The following SSH1 variants were observed in gnomAD, a reference collection of about 807,000 sequenced individuals.
The protein encoded by SSH1 is slingshot protein phosphatase 1, also known as protein phosphatase Slingshot homolog 1.
Under a neutral mutation model 79.7 loss-of-function variants are expected in SSH1, and 43 were observed. That is an observed-to-expected ratio of 0.54 (90% CI 0.42 to 0.70). The LOEUF (loss-of-function observed/expected upper bound fraction) is 0.70. Among genes scored for constraint, SSH1 ranks in the 30% least tolerant of loss-of-function variants. The probability of loss-of-function intolerance (pLI) is 0.00; values close to 1 mark genes in which losing one functional copy is unlikely to be tolerated. For missense variants in SSH1, 1,206 were observed against 1,358.8 expected (o/e 0.89, Z 1.77); for synonymous variants, 599 against 538.3 (o/e 1.11, Z -1.56).
chr12:108,797,989 G>A (rs1018479990), intron 13 of SSH1, among the ~76,000 whole-genome samples: 13 of 152,230 alleles, frequency 8.5e-5, no homozygotes, highest in African/African-American at 3.1e-4. Context: ...AGAGCTAAAG[G>A]AGTATTATAA....
Position 108,789,138 on chromosome 12 carries a change from C to T in SSH1, c.2000G>A (p.Arg667Gln), listed in dbSNP as rs201879824. Residue 667 changes from arginine (R) to glutamine (Q), a missense_variant, in exon 15 of 15, where the codon CGA (arginine) becomes CAA (glutamine). Physicochemically the swap from Arg to Gln is conservative, Grantham distance 43. Around this residue, in one of 5 missense-constraint regions of SSH1, gnomAD observed 709 missense variants for 730.6 expected, o/e 0.97. Coordinates refer to ENST00000326495, the MANE Select transcript of SSH1 (RefSeq NM_018984.4). ...ASGAPEASRE[R>Q]CEDPNAPAIC... ...GGCGGGAGCATTGGGGTCCTCACAT[C>T]GCTCCCTGGAGGCCTCAGGAGCCCC... 8.4e-5 allele frequency: 135 copies of T among 1,613,618 alleles called. No individual in the cohort carries two copies. The East Asian group carries it at 2.0e-3, about 23-fold the overall frequency.
chr12:108,795,858 T>C (rs2036729349), intron 13 of SSH1, among the ~76,000 whole-genome samples: 2 of 152,168 alleles, frequency 1.3e-5, no homozygotes, highest in East Asian at 1.9e-4. Context: ...CTCAAAAAAA[T>C]AAAATTTGCC....
chr12:108,853,491 T>G (rs1337673877), intron 1 of SSH1: 4 of 319,424 alleles, frequency 1.3e-5, no homozygotes, highest in Non-Finnish European at 1.8e-5. Flanking sequence ...AAAGCTGTGA[T>G]GGCTGGGAGA....
At chr12:108,846,559 C>T (rs942017148) in intron 2 of SSH1, among the ~76,000 whole-genome samples, 1 of 152,236 alleles carries the variant, frequency 6.6e-6, no homozygotes, top group Non-Finnish European at 1.5e-5. Flanking sequence ...GGAAATGGAT[C>T]TATACTGCTC....
At chr12:108,811,450 C>T in intron 5 of SSH1, 122 bp from the exon 6 acceptor site, 1 of 835,614 alleles carries the variant, frequency 1.2e-6, no homozygotes, top group East Asian at 2.5e-5. Flanking sequence ...AGGCTGTCTG[C>T]ATAGGAACCG....
chr12:108,844,762 C>T (rs1397675100), intron 2 of SSH1, among the ~76,000 whole-genome samples: 2 of 152,194 alleles, frequency 1.3e-5, no homozygotes, highest in Non-Finnish European at 2.9e-5. Flanking sequence ...CAGAAGCAGA[C>T]TCTCCTGTTG....
At chr12:108,826,231 C>A in intron 2 of SSH1, 1 of 441,534 alleles carries the variant, frequency 2.3e-6, no homozygotes, top group South Asian at 1.6e-5. Flanking sequence ...ATGCAACAGA[C>A]TAGGCTGGTT....
chr12:108,807,720 C>T lies in SSH1; in HGVS notation c.644G>A (p.Ser215Asn). The T allele has an allele frequency of 6.2e-7, 1 of 1,613,412 alleles. No individual in the cohort carries two copies. Among genetic ancestry groups the T allele is most frequent in the Non-Finnish European group, 8.5e-7 (1 of 1,179,542 alleles). ...IWATYYESCISSEQSCINEWN... is the reference protein window; with the variant it reads ...IWATYYESCINSEQSCINEWN... Reference sequence around the variant, plus strand: ...CTCGTTGATGCAGCTCTGCTCGGAGCTGATGCAGCTCTCATAGTAGGTAGC... The same window carrying T: ...CTCGTTGATGCAGCTCTGCTCGGAGTTGATGCAGCTCTCATAGTAGGTAGC... Residue 215 changes from serine (S) to asparagine (N), a missense_variant, in exon 8 of 15, where the codon AGC becomes AAC. Physicochemically the swap from Ser to Asn is conservative, Grantham distance 46. Transcript: ENST00000326495. This position sits in a 1 kb window ranked among gnomAD's most constrained non-coding sequence, Gnocchi z 5.2.
chr12:108,816,205 A>G (rs2037878731), intron 5 of SSH1, among the ~76,000 whole-genome samples: 1 of 151,994 alleles, frequency 6.6e-6, no homozygotes, highest in Non-Finnish European at 1.5e-5. Flanking sequence ...TCTCCCTCCT[A>G]TCTGGTTGTG....
At chr12:108,842,194 GTT>G (rs1196281533) in intron 2 of SSH1, among the ~76,000 whole-genome samples, 1 of 152,158 alleles carries the variant, frequency 6.6e-6, no homozygotes, top group Non-Finnish European at 1.5e-5. Flanking sequence ...CAAATCAAAC[GTT>G]CCAACAAACT....
chr12:108,792,627 G>T lies in SSH1; in HGVS notation c.1552C>A (p.Leu518Ile). ...PCCFRRLSDP[L>I]LPSPEDETGS... ...GTTTCATCCTCAGGGGAAGGCAGAA[G>T]GGGGTCTGAGAGTCGCCGGAAACAG... Residue 518 changes from leucine to isoleucine, a missense_variant, in exon 14 of 15, where the codon CTT becomes ATT. By Grantham distance (5) the Leu-to-Ile change is conservative (BLOSUM62 2). Coordinates refer to ENST00000326495, the MANE Select transcript of SSH1 (RefSeq NM_018984.4). 1 of 1,612,156 alleles carries T rather than the reference G, an allele frequency of 6.2e-7. No individual in the cohort carries two copies. Among genetic ancestry groups the T allele is most frequent in the Non-Finnish European group, 8.5e-7 (1 of 1,179,480 alleles).
chr12:108,792,161 T>C (rs563736919), intron 14 of SSH1, 125 bp downstream of exon 14: 70 of 1,540,002 alleles, frequency 4.5e-5, no homozygotes, highest in South Asian at 1.3e-4. Flanking sequence ...GAGGAGACAA[T>C]AGAAAAAAAT....
At chr12:108,809,339 C>T (rs2037454231) in intron 7 of SSH1, among the ~76,000 whole-genome samples, 1 of 151,488 alleles carries the variant, frequency 6.6e-6, no homozygotes, top group South Asian at 2.1e-4. Flanking sequence ...TGCCTGTAGT[C>T]CCAGCTACTT....
At chr12:108,844,519 A>C (rs2038854150) in intron 2 of SSH1, among the ~76,000 whole-genome samples, 2 of 152,198 alleles carry the variant, frequency 1.3e-5, no homozygotes, top group African/African-American at 2.4e-5. Context: ...GCTGAATGGA[A>C]GCCTACTTGT....
In SSH1 at chr12:108,789,036, G is replaced by A. The variant is rs763489789; in HGVS notation, c.2102C>T (p.Pro701Leu). Residue 701 changes from proline to leucine, a missense_variant, in exon 15 of 15, where the codon CCG becomes CTG. This residue lies in a region of SSH1 where 709 missense variants were observed against 730.6 expected (regional missense o/e 0.97). Coordinates refer to ENST00000326495, the MANE Select transcript of SSH1 (RefSeq NM_018984.4). ...GGTTGGGCCAGAGGCTGGCTTCTCC[G>A]GAACACGGGACCTGCTGGCCAAGTG... ...VAHLASRSRV[P>L]EKPASGPTEP... 3.7e-5 allele frequency: 59 copies of A among 1,608,788 alleles called. 1 individual carries two copies. Among genetic ancestry groups the A allele is most frequent in the South Asian group, 3.0e-4 (27 of 90,906 alleles).
chr12:108,842,383 T>C (rs1452046457), intron 2 of SSH1, among the ~76,000 whole-genome samples: 1 of 152,204 alleles, frequency 6.6e-6, no homozygotes, highest in Non-Finnish European at 1.5e-5. Context: ...ATTCAAACCC[T>C]GGCTCAGGCC....
chr12:108,832,389 C>G lies in SSH1; in HGVS notation c.111-9028G>C, dbSNP rs561714705. On this transcript the variant is annotated intron_variant, in intron 2 of 14. Transcript: ENST00000326495. ...AGATAAATGACTTGTCTGTGGTCAT[C>G]TGGCTAATAAGAGGTAGAATGGGGC... Among the ~76,000 whole-genome samples the G allele has an allele frequency of 2.6e-5, 4 of 151,054 alleles. No individual in the cohort carries two copies. The South Asian group carries it at 6.3e-4, about 24-fold the overall frequency.
chr12:108,809,598 C>G, intron 7 of SSH1, 95 bp downstream of exon 7: 1 of 1,040,066 alleles, frequency 9.6e-7, no homozygotes. Context: ...CATGCACATA[C>G]GTAACGAGCT....
intron 13 of SSH1, among the ~76,000 whole-genome samples, chr12:108,798,492 C>T (rs1452441897): frequency 6.6e-6 from 1 of 152,198 alleles, no homozygotes; most frequent in Non-Finnish European, 1.5e-5. Flanking sequence ...GTGCATGTCC[C>T]AGGCCCAGCT....
Sources: gnomAD v4.1 joint callset for allele counts (sites outside exome capture counted in the v4.1 genomes callset) on GRCh38, gnomAD v4.1.1 for gene constraint, gnomAD v4.1.1 regional missense constraint, Gnocchi (gnomAD v3.1) non-coding constraint, MANE v1.5 for transcripts, NCBI Gene and HGNC (gene_info 2026-07-23, HGNC 2026-07-21) for gene names.